The following KTN1 variants were observed in gnomAD, a reference collection of about 807,000 sequenced individuals.
KTN1 encodes the protein kinectin.
Under a neutral mutation model 222.5 loss-of-function variants are expected in KTN1, and 130 were observed. That is an observed-to-expected ratio of 0.58 (90% CI 0.51 to 0.68). The LOEUF (loss-of-function observed/expected upper bound fraction) is 0.68. Among genes scored for constraint, KTN1 ranks in the 30% least tolerant of loss-of-function variants. The pLI is 0.00. For synonymous variants in KTN1, 512 were observed against 496.3 expected (o/e 1.03, Z -0.42); for missense variants, 1,508 against 1,500.4 (o/e 1.01, Z -0.08).
chr14:55,677,162 A>T (rs1239204683), intron 41 of KTN1, among the ~76,000 whole-genome samples: 1 of 152,206 alleles, frequency 6.6e-6, no homozygotes, highest in East Asian at 1.9e-4. Context: ...TTGGAAAAGC[A>T]CATAAATATT....
Position 55,650,627 on chromosome 14 carries a change from AG to A in KTN1, c.2557del (p.Ala853LeufsTer17). The A allele has an allele frequency of 6.2e-7, 1 of 1,607,228 alleles. No homozygotes were observed. The highest frequency in any genetic ancestry group is 8.5e-7 in the Non-Finnish European group (1 of 1,174,116). Reference protein sequence around the residue: ...KEEIGNVQLEKAQQLSITSKV... With the variant: ...KEEIGNVQLEXAQQLSITSKV... The stretch of plus-strand genomic sequence containing the variant: ...GAAATAGGAAATGTCCAGCTTGAAA[AG>A]GCTCAACAGGTAAAAATCCCAGAGC... On this transcript the variant is annotated frameshift_variant, in exon 24 of 44. Transcript: ENST00000395314. LOFTEE classifies it high-confidence loss of function.
chr14:55,581,309 T>G (rs563028201), intron 1 of KTN1, among the ~76,000 whole-genome samples: 6 of 152,358 alleles, frequency 3.9e-5, no homozygotes, highest in African/African-American at 1.4e-4. Flanking sequence ...GAAAGTAAGC[T>G]GTTCAGTGTT....
At position 55,679,701 on chromosome 14, in the gene KTN1, A is replaced by AT. The variant is rs2046198828; in HGVS notation, c.4069+17dup. 1 of 1,612,810 alleles carries AT rather than the reference A, an allele frequency of 6.2e-7. No individual in the cohort carries two copies. Among genetic ancestry groups the AT allele is most frequent in the African/African-American group, 1.3e-5 (1 of 74,998 alleles). ...CAGGTGTTAGGTAAGGACAACTGAA[A>AT]TATTGCTGTCTATGGGTAATTGATG... On this transcript the variant is annotated intron_variant, in intron 43 of 43. Transcript: ENST00000395314.
At chr14:55,582,180 G>T (rs1393566598) in intron 1 of KTN1, among the ~76,000 whole-genome samples, 4 of 152,080 alleles carry the variant, frequency 2.6e-5, no homozygotes, top group Non-Finnish European at 4.4e-5. Context: ...AACTCTTAAT[G>T]ATTCAGCGTC....
chr14:55,643,110 A>G (rs1171184021), intron 18 of KTN1, among the ~76,000 whole-genome samples: 5 of 152,094 alleles, frequency 3.3e-5, no homozygotes, highest in East Asian at 3.9e-4. Flanking sequence ...GGGTTTTGCA[A>G]TATTAGCCAG....
intron 11 of KTN1, 38 bp from the exon 12 acceptor site, chr14:55,637,741 A>C: frequency 1.3e-5 from 18 of 1,416,274 alleles, no homozygotes; most frequent in Non-Finnish European, 1.8e-5. Flanking sequence ...GTTATTTATT[A>C]GCATGCTTTT....
chr14:55,599,940 A>G (rs1365864698), intron 1 of KTN1, among the ~76,000 whole-genome samples: 1 of 152,078 alleles, frequency 6.6e-6, no homozygotes, highest in Admixed American at 6.5e-5. Context: ...CTGTGATAAT[A>G]TACCAAACTT....
chr14:55,658,221 C>A (rs2043715903), intron 29 of KTN1, among the ~76,000 whole-genome samples: 1 of 151,982 alleles, frequency 6.6e-6, no homozygotes, highest in Non-Finnish European at 1.5e-5. Context: ...GGATAAAACC[C>A]CCACAACAAA....
intron 1 of KTN1, among the ~76,000 whole-genome samples, chr14:55,600,841 T>C (rs2035871024): frequency 6.6e-6 from 1 of 152,180 alleles, no homozygotes; most frequent in Admixed American, 6.5e-5. Flanking sequence ...ACTTTTTTGG[T>C]ATTAAAGCTT....
Position 55,659,584 on chromosome 14 carries a change from A to T in KTN1, c.2962-82A>T. On this transcript the variant is annotated intron_variant, in intron 30 of 43. Coordinates refer to ENST00000395314, the MANE Select transcript of KTN1 (RefSeq NM_001079521.2). ...CTATTTTTACTTTTGTTGTTTTCTT[A>T]ATTTATATTTGAGAAAAGCTTCAAT... The T allele has an allele frequency of 1.2e-6, 1 of 861,868 alleles. No individual in the cohort carries two copies. The highest frequency in any genetic ancestry group is 1.9e-6 in the Non-Finnish European group (1 of 517,142). The allele number at this position is 861,868 out of a possible 1,614,324, so 53.4% of individuals were successfully genotyped here.
chr14:55,648,439 T>A (rs1323190826), intron 20 of KTN1, among the ~76,000 whole-genome samples: 2 of 152,182 alleles, frequency 1.3e-5, no homozygotes, highest in Middle Eastern at 3.2e-3. Context: ...TATTTTATGG[T>A]TGTCATTAGC....
Position 55,652,842 on chromosome 14 carries a change from A to T in KTN1, c.2604-8A>T. On this transcript the variant is annotated splice_region_variant and splice_polypyrimidine_tract_variant and intron_variant, in intron 25 of 43. Transcript: ENST00000395314. ...TTTCATTTAGAGTTCTGATTAATTTATTATCAGATTAAAAGGAAAAGAGGA... is the reference window on the plus strand; with the variant it reads ...TTTCATTTAGAGTTCTGATTAATTTTTTATCAGATTAAAAGGAAAAGAGGA... The T allele has an allele frequency of 6.5e-7, 1 of 1,539,598 alleles. No individual in the cohort carries two copies. The highest frequency in any genetic ancestry group is 1.4e-5 in the African/African-American group (1 of 72,092).
At chr14:55,618,525 C>T (rs1353776881) in intron 4 of KTN1, among the ~76,000 whole-genome samples, 2 of 152,066 alleles carry the variant, frequency 1.3e-5, no homozygotes, top group Non-Finnish European at 2.9e-5. Context: ...AAGTACACAA[C>T]TACCTTTTAA....
rs998695228 is a variant in KTN1, at chr14:55,631,243, A to G, written c.1221+1146A>G. Among the ~76,000 whole-genome samples, 8 of 150,234 alleles carry G rather than the reference A, an allele frequency of 5.3e-5. No individual in the cohort carries two copies. In the Admixed American group the frequency reaches 5.3e-4, roughly 10 times the overall value. ...AACTTTCTTGACCAGTGACTTTTTGAAATTGTTACTTCCATCTGCTGGCTG... is the reference window on the plus strand; with the variant it reads ...AACTTTCTTGACCAGTGACTTTTTGGAATTGTTACTTCCATCTGCTGGCTG... On this transcript the variant is annotated intron_variant, in intron 7 of 43. Coordinates refer to ENST00000395314, the MANE Select transcript of KTN1 (RefSeq NM_001079521.2).
chr14:55,607,735 G>A (rs1243519686), intron 1 of KTN1, among the ~76,000 whole-genome samples: 4 of 152,144 alleles, frequency 2.6e-5, no homozygotes, highest in African/African-American at 9.7e-5. Flanking sequence ...ATATTAGAAA[G>A]GGTAAGCCAG....
intron 33 of KTN1, among the ~76,000 whole-genome samples, chr14:55,665,120 A>G (rs1566831893): frequency 6.6e-6 from 1 of 151,928 alleles, no homozygotes; most frequent in Non-Finnish European, 1.5e-5. Context: ...GATAGCTGAG[A>G]GGTATATTGG....
intron 1 of KTN1, among the ~76,000 whole-genome samples, chr14:55,580,777 T>G (rs990874158): frequency 3.9e-5 from 6 of 152,230 alleles, no homozygotes; most frequent in Non-Finnish European, 7.4e-5. Context: ...GATTACCGCC[T>G]CCTCGGCCGG....
chr14:55,623,141 C>T (rs1174599297), intron 5 of KTN1, among the ~76,000 whole-genome samples: 2 of 152,226 alleles, frequency 1.3e-5, no homozygotes, highest in African/African-American at 4.8e-5. Flanking sequence ...GCTATTCTTT[C>T]TTACAACCGT....
intron 6 of KTN1, among the ~76,000 whole-genome samples, chr14:55,628,424 T>G (rs74824071): frequency 0.076 from 11,638 of 152,302 alleles, 496 homozygotes; most frequent in South Asian, 0.11. Flanking sequence ...GAGCTTCTTG[T>G]GATAAGTATA....
Sources: allele counts gnomAD v4.1 joint callset (sites outside exome capture counted in the v4.1 genomes callset), GRCh38; gene constraint gnomAD v4.1.1; transcripts MANE v1.5; gene names NCBI Gene and HGNC (gene_info 2026-07-23, HGNC 2026-07-21).